The following DNER variants were observed in gnomAD, a reference collection of about 807,000 sequenced individuals.
The protein encoded by DNER is delta and Notch-like epidermal growth factor-related receptor.
A neutral mutation model predicts 78.2 loss-of-function variants in DNER; 33 were observed. The observed-to-expected ratio is 0.42, with a 90% CI of 0.32 to 0.56. The LOEUF (loss-of-function observed/expected upper bound fraction) is 0.56, where lower values mean the gene tolerates loss of function less well. Among genes scored for constraint, DNER ranks in the 20% least tolerant of loss-of-function variants. The probability of loss-of-function intolerance (pLI) is 0.11; values close to 1 mark genes in which losing one functional copy is unlikely to be tolerated. For synonymous variants in DNER, 417 were observed against 384.8 expected (o/e 1.08, Z -0.98); for missense variants, 918 against 975.3 (o/e 0.94, Z 0.78).
At chr2:229,686,976 C>G (rs1253241659) in intron 1 of DNER, among the ~76,000 whole-genome samples, 1 of 152,192 alleles carries the variant, frequency 6.6e-6, no homozygotes, top group African/African-American at 2.4e-5. Context: ...CAATGTCACT[C>G]TGTCAAAGAT....
chr2:229,542,504 A>G (rs1696535566), intron 5 of DNER, among the ~76,000 whole-genome samples: 3 of 152,146 alleles, frequency 2.0e-5, no homozygotes, highest in Admixed American at 6.5e-5. Context: ...AAATAACAGA[A>G]TTGCTTTTAT....
At chr2:229,370,140 T>C (rs1029898116) in intron 11 of DNER, among the ~76,000 whole-genome samples, 4 of 152,176 alleles carry the variant, frequency 2.6e-5, no homozygotes, top group Admixed American at 2.6e-4. Flanking sequence ...GAATCACAAT[T>C]AGCTATTCCT....
chr2:229,423,164 T>C (rs1465022644), intron 8 of DNER, among the ~76,000 whole-genome samples: 1 of 152,146 alleles, frequency 6.6e-6, no homozygotes, highest in Non-Finnish European at 1.5e-5. Flanking sequence ...TATTAAATAT[T>C]GCAATGCCCT....
chr2:229,713,429 C>T (rs1379929803), intron 1 of DNER, among the ~76,000 whole-genome samples: 1 of 152,250 alleles, frequency 6.6e-6, no homozygotes, highest in Admixed American at 6.5e-5. Flanking sequence ...GCCCTGCTCA[C>T]GCCCCGGCTG....
At chr2:229,466,673 G>A (rs1401141514) in intron 7 of DNER, among the ~76,000 whole-genome samples, 1 of 152,086 alleles carries the variant, frequency 6.6e-6, no homozygotes, top group Non-Finnish European at 1.5e-5. Context: ...TGCAAGGTAG[G>A]TAATCAAGAA....
intron 6 of DNER, among the ~76,000 whole-genome samples, chr2:229,489,690 G>A (rs1204641187): frequency 6.6e-6 from 1 of 152,118 alleles, no homozygotes; most frequent in Non-Finnish European, 1.5e-5. Context: ...TGCTACCCAA[G>A]GCAGAGGAGA....
intron 11 of DNER, among the ~76,000 whole-genome samples, chr2:229,369,336 A>AAAAAAAAGTTTTAACTTTCTAAAAAGTT (rs1418212107): frequency 8.7e-5 from 13 of 148,776 alleles, no homozygotes; most frequent in African/African-American, 3.2e-4. Flanking sequence ...CTAAAAAGTT[A>AAAAAAAAGTTTTAACTTTCTAAAAAGTT]AAAAAAAGTT....
At chr2:229,504,824 T>C (rs1695701371) in intron 6 of DNER, among the ~76,000 whole-genome samples, 1 of 152,226 alleles carries the variant, frequency 6.6e-6, no homozygotes, top group Admixed American at 6.5e-5. Context: ...CAACAGCTAC[T>C]GGTGCTTGCA....
intron 10 of DNER, among the ~76,000 whole-genome samples, chr2:229,402,386 G>A (rs1693286164): frequency 6.6e-6 from 1 of 152,140 alleles, no homozygotes; most frequent in Admixed American, 6.5e-5. Context: ...CCACATGAAA[G>A]ATGCTGAGCA....
chr2:229,411,098 T>C (rs1693509169), intron 9 of DNER, among the ~76,000 whole-genome samples: 1 of 152,200 alleles, frequency 6.6e-6, no homozygotes, highest in Admixed American at 6.5e-5. Flanking sequence ...AACTCTGACT[T>C]ATCCTTTTTG....
In DNER at chr2:229,415,517, T is replaced by C. The variant is rs547506545; in HGVS notation, c.1609+2591A>G. 2.0e-5 allele frequency among the ~76,000 whole-genome samples: 3 copies of C among 152,294 alleles called. No individual in the cohort carries two copies. The East Asian group carries it at 5.8e-4, about 29-fold the overall frequency. ...AGCTGATACAGAAGGCGGATCTACT[T>C]TTTTCAAGAGACTTTCCTTCACCAT... On this transcript the variant is annotated intron_variant, in intron 9 of 12. Coordinates refer to ENST00000341772, the MANE Select transcript of DNER (RefSeq NM_139072.4).
chr2:229,706,656 C>T (rs1699832043), intron 1 of DNER, among the ~76,000 whole-genome samples: 1 of 152,222 alleles, frequency 6.6e-6, no homozygotes, highest in Non-Finnish European at 1.5e-5. Flanking sequence ...CCACAGACAA[C>T]ACTTACGCAA....
chr2:229,561,086 A>T (rs1696950290), intron 4 of DNER, among the ~76,000 whole-genome samples: 1 of 152,292 alleles, frequency 6.6e-6, no homozygotes, highest in East Asian at 1.9e-4. Context: ...GCACGTTTAG[A>T]TGCTTAAAAG....
chr2:229,362,970 C>T (rs1692249013), intron 12 of DNER, among the ~76,000 whole-genome samples: 1 of 152,180 alleles, frequency 6.6e-6, no homozygotes. Context: ...AGGTTTTGAG[C>T]TATTGGGGAA....
intron 7 of DNER, among the ~76,000 whole-genome samples, chr2:229,472,735 A>G (rs911842441): frequency 6.6e-6 from 1 of 152,220 alleles, no homozygotes; most frequent in Non-Finnish European, 1.5e-5. Flanking sequence ...TTATCATTCA[A>G]TTAGGTGGAT....
At chr2:229,376,249 G>A (rs996630532) in intron 11 of DNER, among the ~76,000 whole-genome samples, 4 of 152,130 alleles carry the variant, frequency 2.6e-5, no homozygotes, top group African/African-American at 7.2e-5. Flanking sequence ...ATTAAGTCAT[G>A]AGGGCTCTGC....
intron 12 of DNER, among the ~76,000 whole-genome samples, chr2:229,361,013 A>T (rs534807974): frequency 6.6e-6 from 1 of 152,204 alleles, no homozygotes; most frequent in Non-Finnish European, 1.5e-5. Flanking sequence ...CAAATTCCTT[A>T]GGAGAATTTT....
chr2:229,708,181 G>A (rs1417599017), intron 1 of DNER, among the ~76,000 whole-genome samples: 3 of 152,212 alleles, frequency 2.0e-5, no homozygotes, highest in Non-Finnish European at 2.9e-5. Flanking sequence ...CAAAGCAGGT[G>A]CAACTGTCGT....
intron 1 of DNER, among the ~76,000 whole-genome samples, chr2:229,596,218 A>T (rs1332516647): frequency 6.6e-6 from 1 of 152,214 alleles, no homozygotes. Context: ...ATGATGTTAT[A>T]TACACGCAGC....
Sources: gnomAD v4.1 joint callset for allele counts (sites outside exome capture counted in the v4.1 genomes callset) on GRCh38, gnomAD v4.1.1 for gene constraint, MANE v1.5 for transcripts, NCBI Gene and HGNC (gene_info 2026-07-23, HGNC 2026-07-21) for gene names.